CCDC144A: variants seen among roughly 807,000 people sequenced by gnomAD.
CCDC144A encodes coiled-coil domain-containing protein 144A.
A neutral mutation model predicts 143.8 loss-of-function variants in CCDC144A; 41 were observed. The observed-to-expected ratio is 0.29, with a 90% CI of 0.22 to 0.37. The LOEUF is 0.37. CCDC144A is among the 10% of genes least tolerant of loss of function. The pLI is 1.00. For synonymous variants in CCDC144A, 242 were observed against 517.9 expected (o/e 0.47, Z 7.23); for missense variants, 637 against 1,488.8 (o/e 0.43, Z 9.41).
intron 2 of CCDC144A, among the ~76,000 whole-genome samples, chr17:16,703,768 A>G (rs1169111469): frequency 1.3e-5 from 2 of 152,154 alleles, no homozygotes; most frequent in African/African-American, 2.4e-5. Flanking sequence ...GCGCCACTGC[A>G]CTCCAGGCTG....
At chr17:16,678,362 A>T in the CCDC144A span, among the ~76,000 whole-genome samples, 1 of 152,082 alleles carries the variant, frequency 6.6e-6, no homozygotes, top group African/African-American at 2.4e-5. Context: ...TTGATAAACA[A>T]GATCATAATA....
In CCDC144A at chr17:16,777,175, T is replaced by C. The variant is rs1382836225; in HGVS notation, c.*3542T>C. On this transcript the variant is annotated 3_prime_UTR_variant, in exon 17 of 17. Transcript: ENST00000399273. ...CAGGAAAATATCACAGTCCTAAATA[T>C]ATATGCACCTAATACTGGAGATCCC... The C allele has an allele frequency of 2.2e-5, 3 of 136,610 alleles. No individual in the cohort carries two copies. Among genetic ancestry groups the C allele is most frequent in the Non-Finnish European group, 3.1e-5 (2 of 64,700 alleles). The allele number at this position is 136,610 out of a possible 1,614,324, so 8.5% of individuals were successfully genotyped here.
In CCDC144A at chr17:16,724,309, G is replaced by A. The variant is rs901206923; in HGVS notation, c.1892-3218G>A. Among the ~76,000 whole-genome samples, 41 of 151,988 alleles carry A rather than the reference G, an allele frequency of 2.7e-4. 2 individuals carry two copies. The highest frequency in any genetic ancestry group is 9.4e-4 in the African/African-American group (39 of 41,380). On this transcript the variant is annotated intron_variant, in intron 8 of 16. Transcript: ENST00000399273. ...TCCCAGCACTTTGGGAGGCTGAGGCGGATGGATCACGAGGTCAGGAGATCG... is the reference window on the plus strand; with the variant it reads ...TCCCAGCACTTTGGGAGGCTGAGGCAGATGGATCACGAGGTCAGGAGATCG...
At chr17:16,679,197 A>C in the CCDC144A span, among the ~76,000 whole-genome samples, 1 of 151,916 alleles carries the variant, frequency 6.6e-6, no homozygotes, top group Non-Finnish European at 1.5e-5. Flanking sequence ...TTATCCTATA[A>C]AATTTAGAAG....
the CCDC144A span, among the ~76,000 whole-genome samples, chr17:16,668,971 T>C: frequency 4.6e-5 from 7 of 152,322 alleles, no homozygotes; most frequent in African/African-American, 1.7e-4. Flanking sequence ...CTTCAGCACA[T>C]AAATTCTAGG....
chr17:16,696,056 C>T (rs1171954183), intron 2 of CCDC144A, among the ~76,000 whole-genome samples: 4 of 152,256 alleles, frequency 2.6e-5, no homozygotes, highest in African/African-American at 4.8e-5. Context: ...ACTCCGTCAC[C>T]CAGGCTGGAG....
intron 2 of CCDC144A, among the ~76,000 whole-genome samples, chr17:16,698,404 A>T (rs1329295726): frequency 6.6e-6 from 1 of 152,200 alleles, no homozygotes; most frequent in Non-Finnish European, 1.5e-5. Flanking sequence ...ACAATCATAG[A>T]GTTGTGGGGT....
At position 16,776,010 on chromosome 17, in the gene CCDC144A, G is replaced by A. The variant is rs1206654099; in HGVS notation, c.*2377G>A. The A allele has an allele frequency of 6.6e-6, 1 of 152,196 alleles. No homozygotes were observed. The highest frequency in any genetic ancestry group is 6.5e-5 in the Admixed American group (1 of 15,272). The allele number at this position is 152,196 out of a possible 1,614,324, so 9.4% of individuals were successfully genotyped here. A position where few individuals can be genotyped will look rare whatever the true frequency, so the allele number is the denominator to read the frequency against. ...TGTCAGGTTTGTCAAAGATCACATG[G>A]TTGTAGGTGTGTGGTCTTATTTCTG... On this transcript the variant is annotated 3_prime_UTR_variant, in exon 17 of 17. Transcript: ENST00000399273.
rs1473301461 is a variant in CCDC144A, at chr17:16,770,162, A to T, written c.4099-1815A>T. On this transcript the variant is annotated intron_variant, in intron 15 of 16. Coordinates refer to ENST00000399273, the MANE Select transcript of CCDC144A (RefSeq NM_001382000.1). ...TTTTTTTATTTTTATTATTATTATT[A>T]TTTTTGATGCGGAGTCTGACTCTGT... 4.8e-5 allele frequency among the ~76,000 whole-genome samples: 7 copies of T among 144,444 alleles called. No homozygotes were observed. In the South Asian group the frequency reaches 6.7e-4, roughly 14 times the overall value. The allele number at this position is 144,444 out of a possible 152,430, so 94.8% of individuals were successfully genotyped here.
chr17:16,747,013 T>A (rs1482614992), intron 12 of CCDC144A, among the ~76,000 whole-genome samples: 1 of 151,606 alleles, frequency 6.6e-6, no homozygotes, highest in Admixed American at 6.6e-5. Flanking sequence ...ATTTCTTAGG[T>A]TTTCTTGTAG....
At chr17:16,753,428 G>GTTTTTTTTTTTTTTTTTTTTTTT in intron 12 of CCDC144A, among the ~76,000 whole-genome samples, 2 of 57,380 alleles carry the variant, frequency 3.5e-5, no homozygotes, top group Admixed American at 2.0e-4. Context: ...GTGTTTTGTA[G>GTTTTTTTTTTTTTTTTTTTTTTT]TTTTTTTTTT....
chr17:16,693,491 A>G (rs1232398321), intron 2 of CCDC144A, among the ~76,000 whole-genome samples: 1 of 151,468 alleles, frequency 6.6e-6, no homozygotes, highest in Non-Finnish European at 1.5e-5. Flanking sequence ...AATTTTTTGT[A>G]TTTTTAGTAG....
chr17:16,717,377 T>C (rs1597552823), intron 6 of CCDC144A, among the ~76,000 whole-genome samples: 1 of 152,312 alleles, frequency 6.6e-6, no homozygotes, highest in Admixed American at 6.5e-5. Context: ...CCCAAAGTGC[T>C]GGGATTACAG....
intron 15 of CCDC144A, chr17:16,765,223 T>A: frequency 8.7e-6 from 1 of 115,014 alleles, no homozygotes; most frequent in Non-Finnish European, 1.7e-5. Context: ...TTGTCCATTT[T>A]TCAACTGAGG....
At chr17:16,744,170 A>G (rs1031413367) in intron 12 of CCDC144A, among the ~76,000 whole-genome samples, 3 of 152,218 alleles carry the variant, frequency 2.0e-5, no homozygotes, top group African/African-American at 4.8e-5. Context: ...TTTTGGTAGA[A>G]TGATTTTTTG....
intron 2 of CCDC144A, among the ~76,000 whole-genome samples, chr17:16,703,256 G>T (rs1911833057): frequency 6.6e-6 from 1 of 151,430 alleles, no homozygotes; most frequent in East Asian, 1.9e-4. Flanking sequence ...TCCTAAAATT[G>T]TATATAAATT....
chr17:16,676,954 A>G, the CCDC144A span, among the ~76,000 whole-genome samples: 11 of 152,094 alleles, frequency 7.2e-5, no homozygotes, highest in Non-Finnish European at 1.6e-4. Flanking sequence ...TATAATAATA[A>G]ATAGATAAAT....
Position 16,769,921 on chromosome 17 carries a change from G to A in CCDC144A, c.4099-2056G>A, listed in dbSNP as rs1269648843. On this transcript the variant is annotated intron_variant, in intron 15 of 16. Transcript: ENST00000399273. The stretch of plus-strand genomic sequence containing the variant: ...CTGCTCACTGCAACCTCTGCCTGCC[G>A]GGTTCAAGCGATTCTCCTGCCTCAG... Among the ~76,000 whole-genome samples the A allele has an allele frequency of 7.2e-5, 11 of 151,860 alleles. No individual in the cohort carries two copies. The South Asian group carries it at 1.7e-3, about 23-fold the overall frequency.
chr17:16,674,795 G>C, the CCDC144A span, among the ~76,000 whole-genome samples: 1 of 152,024 alleles, frequency 6.6e-6, no homozygotes, highest in Non-Finnish European at 1.5e-5. Context: ...AGGTCAAGTA[G>C]GATGTGTTAT....
Sources: allele counts gnomAD v4.1 joint callset (sites outside exome capture counted in the v4.1 genomes callset), GRCh38; gene constraint gnomAD v4.1.1; transcripts MANE v1.5; gene names NCBI Gene and HGNC (gene_info 2026-07-23, HGNC 2026-07-21).